The following NTN4 variants were observed in gnomAD, a reference collection of about 807,000 sequenced individuals.
NTN4 encodes the protein netrin-4.
In NTN4, 32 loss-of-function variants were observed where a neutral mutation model predicts 73.6. That is an observed-to-expected ratio of 0.44 (90% CI 0.33 to 0.58). The LOEUF is 0.58. Ranked by LOEUF, NTN4 falls within the 20% of genes least tolerant of loss-of-function variation. The pLI is 0.04. For missense variants in NTN4, 654 were observed against 798.3 expected (o/e 0.82, Z 2.18); for synonymous variants, 258 against 287.5 (o/e 0.90, Z 1.04).
intron 5 of NTN4, among the ~76,000 whole-genome samples, chr12:95,709,540 C>CTCT (rs377625911): frequency 1.7e-3 from 233 of 137,124 alleles, no homozygotes; most frequent in Non-Finnish European, 2.7e-3. Context: ...CTCTCTCTCT[C>CTCT]TTTTTTTTTT....
At chr12:95,682,972 T>C (rs2078330552) in intron 6 of NTN4, 150 bp from the exon 7 acceptor site, 1 of 532,626 alleles carries the variant, frequency 1.9e-6, no homozygotes, top group Non-Finnish European at 3.3e-6. Flanking sequence ...GTGAAGACAA[T>C]AATTATTTTG....
intron 2 of NTN4, chr12:95,740,063 C>T (rs2078812388): frequency 6.6e-6 from 1 of 152,264 alleles, no homozygotes; most frequent in Non-Finnish European, 1.5e-5. Context: ...AGGGAAGGGA[C>T]ATCATGACCC....
At position 95,659,101 on chromosome 12, in the gene NTN4, T is replaced by C. The variant is rs1420413865; in HGVS notation, c.1872A>G (p.Lys624=). The part of the protein sequence containing the change: ...SLGRKVMDIL[K]RECK ...CATCTTAATGCTACTTGCACTCTCT[T>C]TTTAAAATATCCATGACTTTTCTTC... The change falls in exon 10 of 10, where the codon AAA becomes AAG. Residue 624 remains lysine, a synonymous_variant. Coordinates refer to ENST00000343702, the MANE Select transcript of NTN4 (RefSeq NM_021229.4). 1.9e-6 allele frequency: 3 copies of C among 1,612,644 alleles called. No individual in the cohort carries two copies. Among genetic ancestry groups the C allele is most frequent in the Non-Finnish European group, 8.5e-7 (1 of 1,179,664 alleles).
chr12:95,688,780 A>G (rs942282675), intron 5 of NTN4, among the ~76,000 whole-genome samples: 1 of 64,022 alleles, frequency 1.6e-5, no homozygotes, highest in Non-Finnish European at 3.1e-5. Flanking sequence ...GAAGGAGGAG[A>G]AAAAAAAAAA....
chr12:95,763,710 C>A (rs10777724), intron 2 of NTN4, among the ~76,000 whole-genome samples: 85,215 of 152,042 alleles, frequency 0.56, 24,128 homozygotes, highest in East Asian at 0.68. Context: ...TATTTCTGAA[C>A]CTTTCTTTTT....
intron 3 of NTN4, among the ~76,000 whole-genome samples, chr12:95,719,872 GC>G (rs2078633902): frequency 1.3e-5 from 2 of 152,138 alleles, no homozygotes; most frequent in Admixed American, 1.3e-4. Context: ...TCAAACTCTT[GC>G]CCAATAATAT....
intron 2 of NTN4, chr12:95,739,833 C>T (rs932254222): frequency 5.3e-5 from 8 of 152,248 alleles, no homozygotes; most frequent in African/African-American, 1.7e-4. Context: ...CTGTCTCTGC[C>T]ACGTATTTAC....
chr12:95,750,754 C>T (rs2078900516), intron 2 of NTN4, among the ~76,000 whole-genome samples: 1 of 151,936 alleles, frequency 6.6e-6, no homozygotes, highest in Non-Finnish European at 1.5e-5. Context: ...TGACCTCTCC[C>T]TTCCTCCCCA....
At chr12:95,684,505 G>A (rs977272655) in intron 5 of NTN4, among the ~76,000 whole-genome samples, 2 of 150,782 alleles carry the variant, frequency 1.3e-5, no homozygotes, top group African/African-American at 4.9e-5. Flanking sequence ...GCAAGGTCTT[G>A]CTATGTTGCC....
chr12:95,704,793 C>A (rs553373584), intron 5 of NTN4, among the ~76,000 whole-genome samples: 1 of 152,096 alleles, frequency 6.6e-6, no homozygotes, highest in Non-Finnish European at 1.5e-5. Context: ...CCAAATGTAT[C>A]CTGGAATAGT....
chr12:95,751,680 C>T (rs1188741019), intron 2 of NTN4, among the ~76,000 whole-genome samples: 5 of 152,092 alleles, frequency 3.3e-5, no homozygotes, highest in African/African-American at 9.7e-5. Context: ...TCGGAAGCCC[C>T]CTAGACCATC....
At chr12:95,774,109 C>T (rs1156837145) in intron 2 of NTN4, among the ~76,000 whole-genome samples, 1 of 151,412 alleles carries the variant, frequency 6.6e-6, no homozygotes, top group African/African-American at 2.4e-5. Context: ...TACAAATTAT[C>T]AGTAGACTAT....
At chr12:95,704,646 G>C (rs78771625) in intron 5 of NTN4, among the ~76,000 whole-genome samples, 2 of 152,172 alleles carry the variant, frequency 1.3e-5, no homozygotes, top group Non-Finnish European at 2.9e-5. Context: ...GAGTACGTAG[G>C]TAGAGAGAAC....
In NTN4 at chr12:95,720,130, G is replaced by A. The variant is rs75889885; in HGVS notation, c.865-6792C>T. ...CCTTTAGCTCTAGAATGATGTTTTA[G>A]GTTCAAGACCTCCTTACAAAAATGC... On this transcript the variant is annotated intron_variant, in intron 3 of 9. Transcript: ENST00000343702. Among the ~76,000 whole-genome samples, 273 of 152,262 alleles carry A rather than the reference G, an allele frequency of 1.8e-3. 1 individual carries two copies. The highest frequency in any genetic ancestry group is 6.2e-3 in the African/African-American group (258 of 41,550).
intron 3 of NTN4, among the ~76,000 whole-genome samples, chr12:95,727,304 A>G (rs2078702445): frequency 6.6e-6 from 1 of 152,200 alleles, no homozygotes; most frequent in African/African-American, 2.4e-5. Flanking sequence ...GAGTTGTAAG[A>G]GTTCTTTATA....
chr12:95,672,139 A>G (rs377684917), intron 7 of NTN4: 1 of 415,832 alleles, frequency 2.4e-6, no homozygotes, highest in East Asian at 5.6e-5. Context: ...TAGGTAACGT[A>G]GTAAGACATT....
chr12:95,658,969 A>T lies in NTN4; in HGVS notation c.*117T>A. 4.5e-6 allele frequency: 4 copies of T among 885,470 alleles called. No individual in the cohort carries two copies. The highest frequency in any genetic ancestry group is 6.9e-6 in the Non-Finnish European group (4 of 581,172). The allele number at this position is 885,470 out of a possible 1,614,324, so 54.9% of individuals were successfully genotyped here. On this transcript the variant is annotated 3_prime_UTR_variant, in exon 10 of 10. Coordinates refer to ENST00000343702, the MANE Select transcript of NTN4 (RefSeq NM_021229.4). ...AGTTAGATAAGACCCATGCATTCAA[A>T]CATTTCTATATGTTTTGGCACTTTA... is the stretch of plus-strand genomic sequence containing the variant.
At position 95,658,195 on chromosome 12, in the gene NTN4, C is replaced by T. The variant is rs1345695809; in HGVS notation, c.*891G>A. On this transcript the variant is annotated 3_prime_UTR_variant, in exon 10 of 10. Transcript: ENST00000343702. Reference sequence around the variant, plus strand: ...ATAATTTTTGAAGTGTATACAAGTGCATTGCAAATGAGCTCTTTAAAATTT... The same window carrying T: ...ATAATTTTTGAAGTGTATACAAGTGTATTGCAAATGAGCTCTTTAAAATTT... 2.0e-5 allele frequency: 3 copies of T among 152,184 alleles called. No individual in the cohort carries two copies. The highest frequency in any genetic ancestry group is 2.9e-5 in the Non-Finnish European group (2 of 68,042). 9.4% of individuals were successfully genotyped at this position (152,184 alleles called of 1,614,324 possible). A position where few individuals can be genotyped will look rare whatever the true frequency, so the allele number is the denominator to read the frequency against.
intron 4 of NTN4, among the ~76,000 whole-genome samples, chr12:95,712,850 C>G (rs1280927578): frequency 7.3e-6 from 1 of 136,596 alleles, no homozygotes; most frequent in Non-Finnish European, 1.5e-5. Context: ...GTTGGCCAGG[C>G]TGGTCTTGAA....
Sources: gnomAD v4.1 joint callset for allele counts (sites outside exome capture counted in the v4.1 genomes callset) on GRCh38, gnomAD v4.1.1 for gene constraint, MANE v1.5 for transcripts, NCBI Gene and HGNC (gene_info 2026-07-23, HGNC 2026-07-21) for gene names.